NKAIN2: variants seen among roughly 807,000 people sequenced by gnomAD.
NKAIN2 encodes sodium/potassium transporting ATPase interacting 2.
NKAIN2 carries 14 observed loss-of-function variants against 32.6 expected under a neutral mutation model. That is an observed-to-expected ratio of 0.43 (90% CI 0.28 to 0.67). The LOEUF is 0.67. NKAIN2 is among the 30% of genes least tolerant of loss of function. NKAIN2 has a pLI of 0.17. For synonymous variants in NKAIN2, 80 were observed against 87.2 expected, an observed-to-expected ratio of 0.92 and a Z score of 0.46; for missense variants, 198 against 258.3, an observed-to-expected ratio of 0.77 and a Z score of 1.60.
At position 124,822,036 on chromosome 6, in the gene NKAIN2, G is replaced by T. The variant is rs574772759; in HGVS notation, c.618-1184G>T. Among the ~76,000 whole-genome samples the T allele has an allele frequency of 8.5e-5, 13 of 152,270 alleles. No individual in the cohort carries two copies. In the East Asian group the frequency reaches 2.1e-3, roughly 25 times the overall value. Reference sequence around the variant, plus strand: ...ATTCTGATTTTTAATTTGCTTGTTTGTATTCTTAACACTAACTTAGCTGCC... The same window carrying T: ...ATTCTGATTTTTAATTTGCTTGTTTTTATTCTTAACACTAACTTAGCTGCC... On this transcript the variant is annotated intron_variant, in intron 6 of 6. Coordinates refer to ENST00000368417, the MANE Select transcript of NKAIN2 (RefSeq NM_001040214.3).
chr6:123,817,986 G>C (rs769049667), intron 1 of NKAIN2, among the ~76,000 whole-genome samples: 2 of 152,108 alleles, frequency 1.3e-5, no homozygotes, highest in Non-Finnish European at 2.9e-5. Context: ...TTTAGTTTGA[G>C]CCAGGTGGAT....
chr6:124,627,813 C>G (rs528489202), intron 3 of NKAIN2, among the ~76,000 whole-genome samples: 1 of 152,128 alleles, frequency 6.6e-6, no homozygotes, highest in Non-Finnish European at 1.5e-5. Context: ...CACCTCACCA[C>G]CCCCACGGCG....
chr6:124,361,442 A>G (rs6940582), intron 3 of NKAIN2, among the ~76,000 whole-genome samples: 130,658 of 151,980 alleles, frequency 0.86, 56,520 homozygotes, highest in African/African-American at 0.96. Context: ...TATAGAGCGT[A>G]AAGGATAAAC....
Position 124,119,314 on chromosome 6 carries a change from C to A in NKAIN2, c.55-163691C>A, listed in dbSNP as rs560232272. ...AGAACAAATGTATGTTCCTATGTGA[C>A]TCATGGAAAGTACAATAATAAATCA... On this transcript the variant is annotated intron_variant, in intron 1 of 6. Coordinates refer to ENST00000368417, the MANE Select transcript of NKAIN2 (RefSeq NM_001040214.3). 6.8e-4 allele frequency among the ~76,000 whole-genome samples: 103 copies of A among 152,274 alleles called. 1 individual carries two copies. The highest frequency in any genetic ancestry group is 2.4e-3 in the African/African-American group (101 of 41,558).
At chr6:124,437,872 ATTTTTTTTTT>A in intron 3 of NKAIN2, 1 of 342,760 alleles carries the variant, frequency 2.9e-6, no homozygotes, top group Non-Finnish European at 5.5e-6. Flanking sequence ...TGATCTATTG[ATTTTTTTTTT>A]TTTTTTTTTC....
intron 3 of NKAIN2, among the ~76,000 whole-genome samples, chr6:124,370,360 T>C (rs2146288): frequency 0.14 from 21,296 of 151,946 alleles, 1,633 homozygotes; most frequent in African/African-American, 0.2. Flanking sequence ...AAAATGTGTA[T>C]ACAGCCTGAT....
At chr6:124,777,880 A>G (rs973880444) in intron 4 of NKAIN2, among the ~76,000 whole-genome samples, 8 of 152,052 alleles carry the variant, frequency 5.3e-5, no homozygotes, top group Non-Finnish European at 1.0e-4. Flanking sequence ...ATCCTTCATA[A>G]AAGACCACAA....
chr6:124,678,915 C>G (rs892622673), intron 4 of NKAIN2, among the ~76,000 whole-genome samples: 1 of 152,178 alleles, frequency 6.6e-6, no homozygotes, highest in African/African-American at 2.4e-5. Context: ...TGAATCTTCT[C>G]TGGACTAGTG....
intron 3 of NKAIN2, among the ~76,000 whole-genome samples, chr6:124,484,679 A>G (rs540106625): frequency 1.3e-5 from 2 of 152,344 alleles, no homozygotes; most frequent in East Asian, 3.9e-4. Context: ...ATGCATGCCC[A>G]CATTCATATA....
Position 124,163,130 on chromosome 6 carries a change from T to C in NKAIN2, c.55-119875T>C, listed in dbSNP as rs146470209. On this transcript the variant is annotated intron_variant, in intron 1 of 6. Transcript: ENST00000368417. ...ATGTTTCAGTATCACATAGTTGATA[T>C]TCAGTATGTATTAATCTATGTGAAT... is the stretch of plus-strand genomic sequence containing the variant. Among the ~76,000 whole-genome samples the C allele has an allele frequency of 2.9e-3, 441 of 152,202 alleles. 3 individuals carry two copies. Among genetic ancestry groups the C allele is most frequent in the African/African-American group, 9.9e-3 (413 of 41,552 alleles).
At chr6:124,568,602 T>C (rs1781009060) in intron 3 of NKAIN2, among the ~76,000 whole-genome samples, 1 of 152,136 alleles carries the variant, frequency 6.6e-6, no homozygotes, top group Non-Finnish European at 1.5e-5. Flanking sequence ...TAGCCATTGA[T>C]ATACTGAATT....
At chr6:124,668,569 G>A (rs1355121335) in intron 4 of NKAIN2, among the ~76,000 whole-genome samples, 1 of 151,862 alleles carries the variant, frequency 6.6e-6, no homozygotes, top group South Asian at 2.1e-4. Context: ...TAATGTCTTA[G>A]TTTTTCAACT....
At chr6:123,934,084 T>C (rs1211521027) in intron 1 of NKAIN2, among the ~76,000 whole-genome samples, 1 of 152,152 alleles carries the variant, frequency 6.6e-6, no homozygotes, top group Admixed American at 6.5e-5. Flanking sequence ...TAGACATATG[T>C]ATCTGAAATC....
intron 1 of NKAIN2, among the ~76,000 whole-genome samples, chr6:124,273,131 G>A (rs1794874271): frequency 6.6e-6 from 1 of 152,142 alleles, no homozygotes; most frequent in Admixed American, 6.5e-5. Context: ...GTCATGATCT[G>A]TTTTGAAATA....
chr6:123,864,275 G>A (rs889852943), intron 1 of NKAIN2, among the ~76,000 whole-genome samples: 1 of 152,154 alleles, frequency 6.6e-6, no homozygotes, highest in African/African-American at 2.4e-5. Flanking sequence ...GCAGGATGAC[G>A]TGGATAACTT....
At chr6:124,181,734 C>T (rs1317571177) in intron 1 of NKAIN2, among the ~76,000 whole-genome samples, 2 of 152,066 alleles carry the variant, frequency 1.3e-5, no homozygotes, top group Non-Finnish European at 2.9e-5. Context: ...GCTCCGGCTC[C>T]CAACAGGTTT....
chr6:123,941,706 T>G (rs1468874832), intron 1 of NKAIN2, among the ~76,000 whole-genome samples: 1 of 152,006 alleles, frequency 6.6e-6, no homozygotes, highest in African/African-American at 2.4e-5. Context: ...CTTCCAGGAA[T>G]AGCATTTCCA....
At chr6:124,384,117 G>C (rs73770464) in intron 3 of NKAIN2, among the ~76,000 whole-genome samples, 1 of 151,918 alleles carries the variant, frequency 6.6e-6, no homozygotes, top group African/African-American at 2.4e-5. Flanking sequence ...AGTTGTCTTC[G>C]TTGTACTTAT....
At chr6:123,811,263 C>T (rs1442807067) in intron 1 of NKAIN2, among the ~76,000 whole-genome samples, 1 of 152,024 alleles carries the variant, frequency 6.6e-6, no homozygotes, top group Non-Finnish European at 1.5e-5. Flanking sequence ...AAGGTCTTTC[C>T]AGCGCGTTTG....
Sources: gnomAD v4.1 joint callset for allele counts (sites outside exome capture counted in the v4.1 genomes callset) on GRCh38, gnomAD v4.1.1 for gene constraint, MANE v1.5 for transcripts, NCBI Gene and HGNC (gene_info 2026-07-23, HGNC 2026-07-21) for gene names.